OTX1: variants seen among roughly 807,000 people sequenced by gnomAD.
OTX1 encodes the protein orthodenticle homeobox 1, also known as homeobox protein OTX1.
In OTX1, 7 loss-of-function variants were observed where a neutral mutation model predicts 26.7. The observed-to-expected ratio is 0.26, with a 90% CI of 0.15 to 0.49. The LOEUF is 0.49. OTX1 is among the 20% of genes least tolerant of loss of function. The pLI is 0.98. For missense variants in OTX1, 414 were observed against 483.8 expected (o/e 0.86, Z 1.35); for synonymous variants, 216 against 212.8 (o/e 1.01, Z -0.13).
At position 63,055,892 on chromosome 2, in the gene OTX1, C is replaced by T; in HGVS notation, c.641C>T (p.Ala214Val). 6.2e-7 allele frequency: 1 copy of T among 1,612,114 alleles called. No homozygotes were observed. The highest frequency in any genetic ancestry group is 2.2e-5 in the East Asian group (1 of 44,878). Residue 214 changes from alanine to valine, a missense_variant, in exon 5 of 5, where the codon GCC becomes GTC. This residue lies in a region of OTX1 where 320 missense variants were observed against 347.9 expected (regional missense o/e 0.92). Transcript: ENST00000282549. The surrounding 1 kb of genome is among the most constrained non-coding windows in gnomAD (Gnocchi z 5.2). Reference protein sequence around the residue: ...SCMQRSVAAGAATAAASYPMS... With the variant: ...SCMQRSVAAGVATAAASYPMS... ...ATGCAGCGCTCCGTAGCTGCAGGCGCCGCCACCGCAGCAGCCTCTTATCCC... is the reference window on the plus strand; with the variant it reads ...ATGCAGCGCTCCGTAGCTGCAGGCGTCGCCACCGCAGCAGCCTCTTATCCC...
Position 63,053,104 on chromosome 2 carries a change from C to T in OTX1, c.97+17C>T, listed in dbSNP as rs1378446653. Reference sequence around the variant, plus strand: ...GCTATCCGGGTGAGCACCAGCCCTCCCGACCCTGCCTCAGCCTCTCAAATG... The same window carrying T: ...GCTATCCGGGTGAGCACCAGCCCTCTCGACCCTGCCTCAGCCTCTCAAATG... On this transcript the variant is annotated intron_variant, in intron 3 of 4. Transcript: ENST00000282549. 2.7e-6 allele frequency: 4 copies of T among 1,506,478 alleles called. No individual in the cohort carries two copies. Among genetic ancestry groups the T allele is most frequent in the African/African-American group, 1.4e-5 (1 of 70,574 alleles). The allele number at this position is 1,506,478 out of a possible 1,614,324, so 93.3% of individuals were successfully genotyped here. A position where few individuals can be genotyped will look rare whatever the true frequency, so the allele number is the denominator to read the frequency against.
At chr2:63,050,619 G>A (rs2062018276), upstream of OTX1, 1 of 147,418 alleles carries the variant, frequency 6.8e-6, no homozygotes, top group Admixed American at 6.7e-5. Flanking sequence ...CCGAGTCCCG[G>A]AGTTAGCGCG....
chr2:63,053,687 A>T, intron 3 of OTX1: 1 of 215,472 alleles, frequency 4.6e-6, no homozygotes, highest in East Asian at 1.0e-4. Flanking sequence ...CCTCTTCCCC[A>T]CTCCCTGTCC....
rs2062035845 is a variant in OTX1, at chr2:63,052,894, C to T, written c.-97C>T. The T allele has an allele frequency of 2.7e-6, 2 of 737,290 alleles. No individual in the cohort carries two copies. The highest frequency in any genetic ancestry group is 2.3e-5 in the Admixed American group (1 of 43,530). 45.7% of individuals were successfully genotyped at this position (737,290 alleles called of 1,614,324 possible). A position where few individuals can be genotyped will look rare whatever the true frequency, so the allele number is the denominator to read the frequency against. On this transcript the variant is annotated 5_prime_UTR_variant, in exon 3 of 5. The change creates a new upstream start codon in the 5' untranslated region. Coordinates refer to ENST00000282549, the MANE Select transcript of OTX1 (RefSeq NM_014562.4). ...TGTCTTCATAGGCCAGGCCCCCAGACGCATCAGACCCTGAAGGACTGCGTG... is the reference window on the plus strand; with the variant it reads ...TGTCTTCATAGGCCAGGCCCCCAGATGCATCAGACCCTGAAGGACTGCGTG...
At position 63,053,077 on chromosome 2, in the gene OTX1, G is replaced by T; in HGVS notation, c.87G>T (p.Val29=). Residue 29 remains valine, a synonymous_variant, in exon 3 of 5, where the codon GTG becomes GTT. Coordinates refer to ENST00000282549, the MANE Select transcript of OTX1 (RefSeq NM_014562.4). ...CCATGGACCTCCTGCACCCATCCGT[G>T]GGCTATCCGGGTGAGCACCAGCCCT... The part of the protein sequence containing the change: ...GPAMDLLHPS[V]GYPATPRKQR... 1 of 1,581,254 alleles carries T rather than the reference G, an allele frequency of 6.3e-7. No individual in the cohort carries two copies. The highest frequency in any genetic ancestry group is 8.6e-7 in the Non-Finnish European group (1 of 1,167,346).
chr2:63,055,920 GTCC>G lies in OTX1; in HGVS notation c.671_673del (p.Ser224del). Reference sequence around the variant, plus strand: ...CCACCGCAGCAGCCTCTTATCCCATGTCCTACGGCCAGGGCGGCAGCTACGGCC... The same window carrying G: ...CCACCGCAGCAGCCTCTTATCCCATGTACGGCCAGGGCGGCAGCTACGGCC... On this transcript the variant is annotated inframe_deletion, in exon 5 of 5. Transcript: ENST00000282549. The surrounding 1 kb of genome is among the most constrained non-coding windows in gnomAD (Gnocchi z 5.2). The G allele has an allele frequency of 6.2e-7, 1 of 1,612,780 alleles. No homozygotes were observed. Among genetic ancestry groups the G allele is most frequent in the South Asian group, 1.1e-5 (1 of 91,084 alleles).
chr2:63,053,003 C>G lies in OTX1; in HGVS notation c.13C>G (p.Leu5Val). ...CCCAGCTGTTAGCATGATGTCTTAC[C>G]TCAAACAACCCCCATACGGCATGAA... MMSY[L>V]KQPPYGMNGL... is the part of the protein sequence containing the mutation. The change falls in exon 3 of 5, where the codon CTC (leucine) becomes GTC (valine). Residue 5 changes from leucine (L) to valine (V), a missense_variant. By Grantham distance (32) the Leu-to-Val change is conservative. Coordinates refer to ENST00000282549, the MANE Select transcript of OTX1 (RefSeq NM_014562.4). 1.9e-6 allele frequency: 3 copies of G among 1,610,946 alleles called. No individual in the cohort carries two copies. The highest frequency in any genetic ancestry group is 2.5e-6 in the Non-Finnish European group (3 of 1,178,892).
In OTX1 at chr2:63,056,141, A is replaced by T; in HGVS notation, c.890A>T (p.His297Leu). The change falls in exon 5 of 5, where the codon CAC (histidine) becomes CTC (leucine). Residue 297 changes from histidine to leucine, a missense_variant. Transcript: ENST00000282549. ...SQSSGHHHHH[H>L]HHHHQGYGGS... ...TCCTCAGGCCACCACCACCACCATC[A>T]CCACCACCACCACCAAGGCTACGGT... The T allele has an allele frequency of 6.2e-7, 1 of 1,612,982 alleles. No individual in the cohort carries two copies. Among genetic ancestry groups the T allele is most frequent in the Non-Finnish European group, 8.5e-7 (1 of 1,179,756 alleles).
At chr2:63,051,399 G>A (rs55855371) in intron 2 of OTX1, 82 bp downstream of exon 2, 2,951 of 152,424 alleles carry the variant, frequency 0.019, 51 homozygotes, top group Middle Eastern at 0.041. Context: ...ATGGATCCCG[G>A]CTTCCCCGGT....
At chr2:63,054,276 AGTT>A in intron 4 of OTX1, 78 bp downstream of exon 4, 1 of 1,427,192 alleles carries the variant, frequency 7.0e-7, no homozygotes, top group African/African-American at 1.4e-5. Flanking sequence ...GCTCTTGAGT[AGTT>A]CTTGAGGAGA....
chr2:63,053,343 T>C, intron 3 of OTX1: 1 of 421,798 alleles, frequency 2.4e-6, no homozygotes, highest in South Asian at 5.8e-5. Context: ...TCTCCGGTTG[T>C]GGTCCCACCG....
chr2:63,056,488 C>G lies in OTX1; in HGVS notation c.*172C>G. ...GCCGCCCCCATTTTTGTGCCACTTG[C>G]TTGGGGGGATGTGCAAACCCACCCT... On this transcript the variant is annotated 3_prime_UTR_variant, in exon 5 of 5. Transcript: ENST00000282549. 1.5e-6 allele frequency: 1 copy of G among 664,986 alleles called. No individual in the cohort carries two copies. Among genetic ancestry groups the G allele is most frequent in the Non-Finnish European group, 2.5e-6 (1 of 395,600 alleles). The allele number at this position is 664,986 out of a possible 1,614,324, so 41.2% of individuals were successfully genotyped here.
At chr2:63,054,021 C>G in intron 3 of OTX1, 26 bp from the exon 4 acceptor site, 1 of 1,604,448 alleles carries the variant, frequency 6.2e-7, no homozygotes, top group Non-Finnish European at 8.5e-7. Flanking sequence ...ACCAATGACC[C>G]GCGGCGCCCC....
chr2:63,050,426 G>T (rs1283211759), upstream of OTX1, among the ~76,000 whole-genome samples: 1 of 152,156 alleles, frequency 6.6e-6, no homozygotes. Context: ...TGTAGCGCGC[G>T]GGAGAGCGAA....
intron 2 of OTX1, 77 bp from the exon 3 acceptor site, chr2:63,052,803 C>T (rs2062035173): frequency 9.0e-6 from 5 of 556,964 alleles, no homozygotes; most frequent in South Asian, 6.5e-5. Flanking sequence ...AACCTGCCTT[C>T]CCTGTCTATC....
chr2:63,053,552 C>G, intron 3 of OTX1: 1 of 176,970 alleles, frequency 5.7e-6, no homozygotes. Flanking sequence ...AATCGATGTC[C>G]TGCACCCATT....
Position 63,056,055 on chromosome 2 carries a change from A to G in OTX1, c.804A>G (p.Ala268=). ...ACCCGCACCAGCTCAGCCCCATGGC[A>G]CCCTCCTCCATGGCGGGCCACCATC... ...HHHPHQLSPM[A]PSSMAGHHHH... The change falls in exon 5 of 5, where the codon GCA becomes GCG. Residue 268 remains alanine, a synonymous_variant. Transcript: ENST00000282549. 6.2e-7 allele frequency: 1 copy of G among 1,612,886 alleles called. No individual in the cohort carries two copies. Among genetic ancestry groups the G allele is most frequent in the Non-Finnish European group, 8.5e-7 (1 of 1,179,408 alleles).
At position 63,055,931 on chromosome 2, in the gene OTX1, A is replaced by G; in HGVS notation, c.680A>G (p.Gln227Arg). ...GCCTCTTATCCCATGTCCTACGGCC[A>G]GGGCGGCAGCTACGGCCAAGGCTAC... Reference protein sequence around the residue: ...AAASYPMSYGQGGSYGQGYPT... With the variant: ...AAASYPMSYGRGGSYGQGYPT... The change falls in exon 5 of 5, where the codon CAG becomes CGG. Residue 227 changes from glutamine to arginine, a missense_variant. Around this residue, in one of 3 missense-constraint regions of OTX1, gnomAD observed 320 missense variants for 347.9 expected, o/e 0.92. Transcript: ENST00000282549. The surrounding 1 kb of genome is among the most constrained non-coding windows in gnomAD (Gnocchi z 5.2). The G allele has an allele frequency of 6.2e-7, 1 of 1,612,910 alleles. No individual in the cohort carries two copies. The highest frequency in any genetic ancestry group is 8.5e-7 in the Non-Finnish European group (1 of 1,180,016).
At position 63,056,644 on chromosome 2, in the gene OTX1, A is replaced by G. The variant is rs761162474; in HGVS notation, c.*328A>G. On this transcript the variant is annotated 3_prime_UTR_variant, in exon 5 of 5. Transcript: ENST00000282549. ...CTTCCAGTCTTTCTGGACAGCTATT[A>G]AGCACTTGCAGCCTTCGGAGGCTCT... 5.9e-5 allele frequency: 21 copies of G among 356,750 alleles called. No individual in the cohort carries two copies. Among genetic ancestry groups the G allele is most frequent in the Non-Finnish European group, 1.0e-4 (20 of 192,928 alleles). The allele number at this position is 356,750 out of a possible 1,614,324, so 22.1% of individuals were successfully genotyped here. A position where few individuals can be genotyped will look rare whatever the true frequency, so the allele number is the denominator to read the frequency against.
Sources: allele counts gnomAD v4.1 joint callset (sites outside exome capture counted in the v4.1 genomes callset), GRCh38; gene constraint gnomAD v4.1.1; regional missense constraint gnomAD v4.1.1; non-coding constraint Gnocchi (gnomAD v3.1); transcripts MANE v1.5; gene names NCBI Gene and HGNC (gene_info 2026-07-23, HGNC 2026-07-21).